Variants in PEBP4 observed in about 807,000 individuals in gnomAD.
PEBP4 encodes the protein phosphatidylethanolamine binding protein 4, also known as phosphatidylethanolamine-binding protein 4.
Under a neutral mutation model 23.9 loss-of-function variants are expected in PEBP4, and 22 were observed. The ratio of observed to expected loss-of-function variants is 0.92; its 90% CI spans 0.66 to 1.31. The LOEUF (loss-of-function observed/expected upper bound fraction) is 1.31, where lower values mean the gene tolerates loss of function less well. Ranked by LOEUF, PEBP4 falls within the 40% of genes most tolerant of loss-of-function variation. The pLI is 0.00. For missense variants in PEBP4, 324 were observed against 281.7 expected, an observed-to-expected ratio of 1.15 and a Z score of -1.07; for synonymous variants, 112 against 99.3, an observed-to-expected ratio of 1.13 and a Z score of -0.76.
chr8:22,812,991 G>C (rs931530888), intron 4 of PEBP4, among the ~76,000 whole-genome samples: 5 of 152,142 alleles, frequency 3.3e-5, no homozygotes, highest in Non-Finnish European at 4.4e-5. Flanking sequence ...CTCAGCAGTG[G>C]AACCGATCAC....
intron 3 of PEBP4, among the ~76,000 whole-genome samples, chr8:22,902,896 G>C (rs1808738762): frequency 6.6e-6 from 1 of 152,244 alleles, no homozygotes; most frequent in African/African-American, 2.4e-5. Flanking sequence ...AGGGATCCCA[G>C]ATCCTGCAGC....
At chr8:22,752,081 A>G (rs1215254565) in intron 4 of PEBP4, among the ~76,000 whole-genome samples, 2 of 152,096 alleles carry the variant, frequency 1.3e-5, no homozygotes, top group Non-Finnish European at 2.9e-5. Flanking sequence ...AAAAAGTTTT[A>G]TATTTTATAG....
intron 3 of PEBP4, among the ~76,000 whole-genome samples, chr8:22,901,009 A>G (rs1004515337): frequency 6.6e-6 from 1 of 152,256 alleles, no homozygotes; most frequent in African/African-American, 2.4e-5. Flanking sequence ...GGAGGATGAT[A>G]AAATGTTTAA....
At chr8:22,723,486 A>C (rs1463561654) in intron 6 of PEBP4, among the ~76,000 whole-genome samples, 1 of 151,690 alleles carries the variant, frequency 6.6e-6, no homozygotes, top group Admixed American at 6.6e-5. Context: ...AGGCATGGTG[A>C]TCCCGGAGTC....
chr8:22,725,150 G>A (rs1225156613), intron 5 of PEBP4, among the ~76,000 whole-genome samples, 194 bp from the exon 6 acceptor site: 4 of 152,024 alleles, frequency 2.6e-5, no homozygotes, highest in Admixed American at 6.6e-5. Context: ...TTTTGGTGGG[G>A]GTGAGAGTGG....
intron 4 of PEBP4, among the ~76,000 whole-genome samples, chr8:22,748,092 G>A (rs1366671258): frequency 1.3e-5 from 2 of 152,236 alleles, no homozygotes; most frequent in South Asian, 4.1e-4. Context: ...GTGCACACAC[G>A]TGCAGGCACA....
intron 1 of PEBP4, among the ~76,000 whole-genome samples, chr8:22,933,217 A>G (rs751156211): frequency 6.6e-6 from 1 of 152,162 alleles, no homozygotes; most frequent in Non-Finnish European, 1.5e-5. Context: ...GAAAAGGGGA[A>G]GCATTGCTTA....
chr8:22,891,901 G>A (rs549528505), intron 3 of PEBP4, among the ~76,000 whole-genome samples: 4 of 152,250 alleles, frequency 2.6e-5, no homozygotes, highest in East Asian at 1.9e-4. Context: ...GTGAAACCCC[G>A]TCTCTATTAA....
rs137939119 is a variant in PEBP4, at chr8:22,805,646, C to T, written c.357+11991G>A. ...CGGCCATGATTGCCAGCATTAAGTTCGTCAATTATAACAAACATACCACTC... is the reference window on the plus strand; with the variant it reads ...CGGCCATGATTGCCAGCATTAAGTTTGTCAATTATAACAAACATACCACTC... On this transcript the variant is annotated intron_variant, in intron 4 of 6. Transcript: ENST00000256404. Among the ~76,000 whole-genome samples the T allele has an allele frequency of 3.3e-3, 501 of 152,228 alleles. 14 individuals carry two copies. The East Asian group carries it at 0.035, about 11-fold the overall frequency.
Position 22,798,274 on chromosome 8 carries a change from C to T in PEBP4, c.357+19363G>A, listed in dbSNP as rs546435926. Among the ~76,000 whole-genome samples the T allele has an allele frequency of 9.7e-4, 148 of 152,256 alleles. 1 individual carries two copies. Among genetic ancestry groups the T allele is most frequent in the Non-Finnish European group, 1.9e-3 (131 of 68,006 alleles). On this transcript the variant is annotated intron_variant, in intron 4 of 6. Coordinates refer to ENST00000256404, the MANE Select transcript of PEBP4 (RefSeq NM_144962.3). ...ATGCTCTTCCCAGGGCTAGCAAATT[C>T]CTAGAGAGAGATAGTAAACAACTTG...
intron 1 of PEBP4, among the ~76,000 whole-genome samples, chr8:22,938,407 T>C (rs1354743743): frequency 1.3e-5 from 2 of 152,220 alleles, no homozygotes; most frequent in Admixed American, 6.5e-5. Context: ...TATTTAAACA[T>C]CACTTCCTTT....
At chr8:22,892,825 A>C (rs1340360414) in intron 3 of PEBP4, among the ~76,000 whole-genome samples, 6 of 152,222 alleles carry the variant, frequency 3.9e-5, no homozygotes, top group Non-Finnish European at 8.8e-5. Flanking sequence ...AGGGGAAACA[A>C]ATGAAGGTCT....
chr8:22,726,597 C>T (rs1212763784), intron 5 of PEBP4, among the ~76,000 whole-genome samples: 1 of 152,222 alleles, frequency 6.6e-6, no homozygotes. Flanking sequence ...CCGGGCCAGG[C>T]CCTGGGCTGT....
chr8:22,795,163 A>ATATTTTTTTTTTT (rs1563218555), intron 4 of PEBP4, among the ~76,000 whole-genome samples: 2 of 47,346 alleles, frequency 4.2e-5, no homozygotes, highest in East Asian at 1.1e-3. Context: ...ATATATATAT[A>ATATTTTTTTTTTT]TTTTTTTTTT....
At chr8:22,898,921 C>T (rs1461891786) in intron 3 of PEBP4, among the ~76,000 whole-genome samples, 2 of 152,170 alleles carry the variant, frequency 1.3e-5, no homozygotes, top group Non-Finnish European at 2.9e-5. Context: ...GTAAACTAGG[C>T]CTGGCAAAGA....
chr8:22,918,216 G>A (rs1055071182), intron 3 of PEBP4, among the ~76,000 whole-genome samples: 5 of 152,198 alleles, frequency 3.3e-5, no homozygotes, highest in Non-Finnish European at 7.3e-5. Context: ...TCATAGGTCT[G>A]TTACATTTCC....
chr8:22,932,744 C>A (rs1355287392), upstream of PEBP4, among the ~76,000 whole-genome samples: 1 of 152,118 alleles, frequency 6.6e-6, no homozygotes, highest in Middle Eastern at 3.2e-3. Flanking sequence ...GTGGCTCATG[C>A]CTGTAATCCC....
chr8:22,811,768 G>C lies in PEBP4; in HGVS notation c.357+5869C>G, dbSNP rs139685926. On this transcript the variant is annotated intron_variant, in intron 4 of 6. Coordinates refer to ENST00000256404, the MANE Select transcript of PEBP4 (RefSeq NM_144962.3). Reference sequence around the variant, plus strand: ...CTTTGGTTTCCTCAAAAGCCAGCTGGGGTCACGTTAGGTCCTCCAGGCTGG... The same window carrying C: ...CTTTGGTTTCCTCAAAAGCCAGCTGCGGTCACGTTAGGTCCTCCAGGCTGG... Among the ~76,000 whole-genome samples the C allele has an allele frequency of 4.2e-4, 64 of 152,328 alleles. No individual in the cohort carries two copies. In the East Asian group the frequency reaches 0.011, roughly 25 times the overall value.
chr8:22,804,455 G>A (rs1181872351), intron 4 of PEBP4, among the ~76,000 whole-genome samples: 1 of 152,136 alleles, frequency 6.6e-6, no homozygotes, highest in Non-Finnish European at 1.5e-5. Context: ...AACCCCAGAT[G>A]CACATTTTTT....
Sources: gnomAD v4.1 joint callset for allele counts (sites outside exome capture counted in the v4.1 genomes callset) on GRCh38, gnomAD v4.1.1 for gene constraint, MANE v1.5 for transcripts, NCBI Gene and HGNC (gene_info 2026-07-23, HGNC 2026-07-21) for gene names.